The following SRGAP3 variants were observed in gnomAD, a reference collection of about 807,000 sequenced individuals.
The protein encoded by SRGAP3 is SLIT-ROBO Rho GTPase-activating protein 3.
Under a neutral mutation model 121.1 loss-of-function variants are expected in SRGAP3, and 39 were observed. The observed-to-expected ratio is 0.32, with a 90% CI of 0.25 to 0.42. The LOEUF (loss-of-function observed/expected upper bound fraction) is 0.42, where lower values mean the gene tolerates loss of function less well. SRGAP3 is among the 10% of genes least tolerant of loss of function. The pLI is 1.00. For synonymous variants in SRGAP3, 601 were observed against 570.0 expected, an observed-to-expected ratio of 1.05 and a Z score of -0.77; for missense variants, 1,213 against 1,470.6, an observed-to-expected ratio of 0.82 and a Z score of 2.86.
intron 1 of SRGAP3, among the ~76,000 whole-genome samples, chr3:9,155,965 G>A (rs1016190147): frequency 6.6e-5 from 10 of 152,044 alleles, no homozygotes; most frequent in Admixed American, 1.3e-4. Flanking sequence ...ACAGGCACCC[G>A]CCACCACGCC....
At chr3:9,143,093 G>C (rs1416706534) in intron 1 of SRGAP3, among the ~76,000 whole-genome samples, 2 of 152,076 alleles carry the variant, frequency 1.3e-5, no homozygotes, top group African/African-American at 2.4e-5. Flanking sequence ...TCCTGCCTCA[G>C]TCTCCCAAAC....
intron 1 of SRGAP3, among the ~76,000 whole-genome samples, chr3:9,353,844 T>C (rs374922407): frequency 6.6e-6 from 1 of 152,132 alleles, no homozygotes; most frequent in Non-Finnish European, 1.5e-5. Context: ...GAAAAGCAGG[T>C]GTAGGGGCAT....
chr3:9,247,854 A>C (rs945081479), intron 1 of SRGAP3, among the ~76,000 whole-genome samples: 16 of 152,258 alleles, frequency 1.1e-4, no homozygotes, highest in Non-Finnish European at 1.8e-4. Flanking sequence ...CACAGGGCAC[A>C]TCCTCAGAGA....
intron 2 of SRGAP3, among the ~76,000 whole-genome samples, chr3:9,105,761 G>T (rs1027581735): frequency 6.6e-6 from 1 of 152,206 alleles, no homozygotes; most frequent in Non-Finnish European, 1.5e-5. Flanking sequence ...TCTTGGCTCT[G>T]CAGATGCTCC....
chr3:9,149,745 C>T (rs1950150308), intron 1 of SRGAP3, among the ~76,000 whole-genome samples: 1 of 152,224 alleles, frequency 6.6e-6, no homozygotes, highest in Non-Finnish European at 1.5e-5. Context: ...AACAGAACTG[C>T]CTAGCTGACC....
intron 11 of SRGAP3, 39 bp from the exon 12 acceptor site, chr3:9,032,791 C>A (rs1574946429): frequency 2.6e-6 from 4 of 1,554,848 alleles, no homozygotes; most frequent in South Asian, 1.1e-5. Context: ...AGAAAGCAAC[C>A]AACATAAACA....
At chr3:9,237,637 G>C (rs1378239540) in intron 1 of SRGAP3, among the ~76,000 whole-genome samples, 3 of 152,172 alleles carry the variant, frequency 2.0e-5, no homozygotes, top group Non-Finnish European at 4.4e-5. Context: ...CCAGAAAGAT[G>C]GAAAATCTAA....
At chr3:9,061,074 A>G (rs183427289) in intron 5 of SRGAP3, among the ~76,000 whole-genome samples, 77 of 152,342 alleles carry the variant, frequency 5.1e-4, no homozygotes, top group Admixed American at 1.9e-3. Context: ...TCTACTAAAA[A>G]TACAAAAATT....
intron 3 of SRGAP3, among the ~76,000 whole-genome samples, chr3:9,297,363 C>T (rs941442618): frequency 6.6e-6 from 1 of 152,072 alleles, no homozygotes; most frequent in Non-Finnish European, 1.5e-5. Flanking sequence ...ATAGCAGGAG[C>T]TTGAAGTCAG....
At chr3:9,176,588 T>TA (rs1951187573) in intron 1 of SRGAP3, among the ~76,000 whole-genome samples, 1 of 152,158 alleles carries the variant, frequency 6.6e-6, no homozygotes, top group Non-Finnish European at 1.5e-5. Flanking sequence ...AAAAGAGGTT[T>TA]AATTGGCTCA....
At chr3:9,142,829 C>CATTTTTT (rs750792802) in intron 1 of SRGAP3, among the ~76,000 whole-genome samples, 1 of 90,832 alleles carries the variant, frequency 1.1e-5, no homozygotes, top group Non-Finnish European at 2.0e-5. Flanking sequence ...GGGCAATTTC[C>CATTTTTT]TTTTTTTTTT....
chr3:9,165,926 T>C (rs930797637), intron 1 of SRGAP3, among the ~76,000 whole-genome samples: 2 of 152,204 alleles, frequency 1.3e-5, no homozygotes, highest in African/African-American at 2.4e-5. Flanking sequence ...ATACATCTTA[T>C]ATATGTGATT....
chr3:9,305,988 G>C (rs1285709485), intron 3 of SRGAP3, among the ~76,000 whole-genome samples: 2 of 152,204 alleles, frequency 1.3e-5, no homozygotes, highest in Non-Finnish European at 2.9e-5. Context: ...TCACCACACT[G>C]TCTTCCACAA....
intron 1 of SRGAP3, chr3:9,217,615 C>T (rs954986535): frequency 3.0e-4 from 45 of 152,250 alleles, no homozygotes; most frequent in African/African-American, 1.0e-3. Context: ...ACACACACAC[C>T]ACACCACACC....
At chr3:9,006,293 C>G (rs1161767) in intron 18 of SRGAP3, among the ~76,000 whole-genome samples, 122,740 of 151,208 alleles carry the variant, frequency 0.81, 50,472 homozygotes, top group African/African-American at 0.91. Flanking sequence ...CCAGCTACTC[C>G]GGAGGCTGAG....
intron 17 of SRGAP3, among the ~76,000 whole-genome samples, chr3:9,011,180 A>C (rs1036942382): frequency 4.6e-5 from 7 of 152,138 alleles, no homozygotes; most frequent in Non-Finnish European, 1.0e-4. Context: ...AAGAAAAAAA[A>C]CCGAAGTAAA....
In SRGAP3 at chr3:8,992,909, C is replaced by T. The variant is rs763614360; in HGVS notation, c.2555G>A (p.Gly852Asp). The T allele has an allele frequency of 6.2e-7, 1 of 1,614,206 alleles. No homozygotes were observed. The highest frequency in any genetic ancestry group is 8.5e-7 in the Non-Finnish European group (1 of 1,180,050). ...ISDYGFGGVMGRVRLRSDGAA... is the reference protein window; with the variant it reads ...ISDYGFGGVMDRVRLRSDGAA... ...AAAATGAATCCGCATATCCTACCGG[C>T]CCATCACCCCCCCAAAGCCGTAATC... The change falls in exon 20 of 22, where the codon GGC (glycine) becomes GAC (aspartate). Residue 852 changes from glycine (G) to aspartate (D), a missense_variant. Physicochemically the swap from Gly to Asp is moderately conservative, Grantham distance 94. Around this residue, in one of 2 missense-constraint regions of SRGAP3, gnomAD observed 420 missense variants for 437.7 expected, o/e 0.96. Transcript: ENST00000383836.
chr3:9,051,710 CTTT>C (rs36044423), intron 9 of SRGAP3, among the ~76,000 whole-genome samples: 11 of 103,096 alleles, frequency 1.1e-4, no homozygotes, highest in African/African-American at 3.0e-4. Context: ...TTGCTCAATT[CTTT>C]TTTTTTTTTT....
chr3:9,290,319 C>T (rs1481945737), intron 3 of SRGAP3, among the ~76,000 whole-genome samples: 3 of 152,098 alleles, frequency 2.0e-5, no homozygotes, highest in African/African-American at 7.2e-5. Flanking sequence ...TCTTTTCTGC[C>T]ATACTGCAAG....
Sources: allele counts gnomAD v4.1 joint callset (sites outside exome capture counted in the v4.1 genomes callset), GRCh38; gene constraint gnomAD v4.1.1; regional missense constraint gnomAD v4.1.1; transcripts MANE v1.5; gene names NCBI Gene and HGNC (gene_info 2026-07-23, HGNC 2026-07-21).